The following ASCC3 variants were observed in gnomAD, a reference collection of about 807,000 sequenced individuals.
ASCC3 encodes the protein activating signal cointegrator 1 complex subunit 3, also known as ASC-1 complex subunit P200.
Under a neutral mutation model 256.3 loss-of-function variants are expected in ASCC3, and 158 were observed. The observed-to-expected ratio is 0.62, with a 90% CI of 0.54 to 0.70. ASCC3 has a LOEUF of 0.70. Among genes scored for constraint, ASCC3 ranks in the 30% least tolerant of loss-of-function variants. The pLI is 0.00. For synonymous variants in ASCC3, 948 were observed against 883.4 expected (o/e 1.07, Z -1.30); for missense variants, 2,259 against 2,626.0 (o/e 0.86, Z 3.05).
intron 14 of ASCC3, among the ~76,000 whole-genome samples, chr6:100,673,484 A>C (rs1003629043): frequency 2.0e-5 from 3 of 152,176 alleles, no homozygotes; most frequent in Non-Finnish European, 2.9e-5. Flanking sequence ...ATTTATTGTA[A>C]GAAATTTATT....
At chr6:100,611,374 A>G (rs1773388437) in intron 30 of ASCC3, among the ~76,000 whole-genome samples, 1 of 152,106 alleles carries the variant, frequency 6.6e-6, no homozygotes, top group Admixed American at 6.6e-5. Flanking sequence ...CAAATTTGAA[A>G]ATCTAATTTT....
In ASCC3 at chr6:100,510,033, T is replaced by C; in HGVS notation, c.6360A>G (p.Gly2120=). 2 of 1,614,134 alleles carry C rather than the reference T, an allele frequency of 1.2e-6. No homozygotes were observed. Among genetic ancestry groups the C allele is most frequent in the Non-Finnish European group, 1.7e-6 (2 of 1,180,002 alleles). ...CAATAAGTTCTCTCTTATCCACTTC[T>C]CCTAATATCAAAAACCATCCTTCGT... ...SKDEGWFLIL[G]EVDKRELIAL... Residue 2120 remains glycine (G), a synonymous_variant, in exon 41 of 42, where the codon GGA becomes GGG. Transcript: ENST00000369162.
intron 13 of ASCC3, among the ~76,000 whole-genome samples, chr6:100,705,495 G>T (rs958587936): frequency 6.6e-6 from 1 of 151,902 alleles, no homozygotes; most frequent in African/African-American, 2.4e-5. Context: ...TTTTCGAATG[G>T]ACATGTATTT....
intron 10 of ASCC3, among the ~76,000 whole-genome samples, chr6:100,750,444 A>C (rs76727379): frequency 0.017 from 2,609 of 152,088 alleles, 33 homozygotes; most frequent in Non-Finnish European, 0.027. Context: ...AGAGGAACTG[A>C]TTGTTTAAAG....
In ASCC3 at chr6:100,539,798, A is replaced by T. The variant is rs187854920; in HGVS notation, c.5775+365T>A. Among the ~76,000 whole-genome samples, 1,487 of 152,260 alleles carry T rather than the reference A, an allele frequency of 9.8e-3. 14 individuals are homozygous for T. Among genetic ancestry groups the T allele is most frequent in the Non-Finnish European group, 0.014 (973 of 68,020 alleles). Reference sequence around the variant, plus strand: ...TTTTTTTAAAAAATAGCAGTTATTGAAAAATGGCAGTTATTACCTATTAAT... The same window carrying T: ...TTTTTTTAAAAAATAGCAGTTATTGTAAAATGGCAGTTATTACCTATTAAT... On this transcript the variant is annotated intron_variant, in intron 37 of 41. Transcript: ENST00000369162.
At chr6:100,523,502 C>T (rs961432255) in intron 37 of ASCC3, among the ~76,000 whole-genome samples, 1 of 152,082 alleles carries the variant, frequency 6.6e-6, no homozygotes, top group Non-Finnish European at 1.5e-5. Context: ...GGCAAGAACT[C>T]ATAGAAAAGA....
rs184573982 is a variant in ASCC3, at chr6:100,806,469, T to A, written c.802-589A>T. ...GTAGTTACCAAAGATTAAGTTGATG[T>A]CAGAGTTAGAGAACCAGTGTTAGGA... On this transcript the variant is annotated intron_variant, in intron 4 of 41. Coordinates refer to ENST00000369162, the MANE Select transcript of ASCC3 (RefSeq NM_006828.4). Among the ~76,000 whole-genome samples, 215 of 152,090 alleles carry A rather than the reference T, an allele frequency of 1.4e-3. 1 individual carries two copies. In the Middle Eastern group the frequency reaches 0.024, roughly 17 times the overall value.
At chr6:100,877,347 C>T (rs1008004777) in intron 1 of ASCC3, among the ~76,000 whole-genome samples, 1 of 152,030 alleles carries the variant, frequency 6.6e-6, no homozygotes, top group Non-Finnish European at 1.5e-5. Flanking sequence ...GATTTCAGTA[C>T]TTAAAATAGA....
intron 30 of ASCC3, among the ~76,000 whole-genome samples, chr6:100,619,246 G>A (rs2114842058): frequency 6.6e-6 from 1 of 152,240 alleles, no homozygotes; most frequent in South Asian, 2.1e-4. Flanking sequence ...TGCTAGTTCG[G>A]AGGCTTATTA....
At chr6:100,823,336 C>CACA (rs1554238378) in intron 4 of ASCC3, among the ~76,000 whole-genome samples, 5 of 152,082 alleles carry the variant, frequency 3.3e-5, no homozygotes, top group Admixed American at 6.6e-5. Flanking sequence ...AAATTAAAAA[C>CACA]ACAACAACAA....
chr6:100,838,426 T>C (rs1393273866), intron 4 of ASCC3, among the ~76,000 whole-genome samples: 1 of 152,040 alleles, frequency 6.6e-6, no homozygotes, highest in Non-Finnish European at 1.5e-5. Context: ...TCATACATTA[T>C]AAAATAAGGT....
chr6:100,628,158 G>A (rs1774343839), intron 27 of ASCC3, among the ~76,000 whole-genome samples, 171 bp from the exon 28 acceptor site: 1 of 151,770 alleles, frequency 6.6e-6, no homozygotes, highest in East Asian at 1.9e-4. Context: ...TACTCCCAGT[G>A]CATGATGTCA....
intron 13 of ASCC3, among the ~76,000 whole-genome samples, chr6:100,690,404 G>C (rs1409512184): frequency 1.3e-5 from 2 of 151,890 alleles, no homozygotes. Flanking sequence ...CAAGAATAAA[G>C]GAAGCATCCT....
Position 100,509,531 on chromosome 6 carries a change from T to C in ASCC3, c.6464A>G (p.Tyr2155Cys), listed in dbSNP as rs983214434. The stretch of plus-strand genomic sequence containing the variant: ...ACTCATGAAATATAATGTGTAGATA[T>C]ACCTAAAATATAAAAATAGAAGAAA... ...SFYTPEIPGR[Y>C]IYTLYFMSDC... Residue 2155 changes from tyrosine (Y) to cysteine (C), a missense_variant and splice_region_variant, in exon 42 of 42, where the codon TAT becomes TGT. Around this residue, in one of 2 missense-constraint regions of ASCC3, gnomAD observed 1,839 missense variants for 2,206.7 expected, o/e 0.83. Coordinates refer to ENST00000369162, the MANE Select transcript of ASCC3 (RefSeq NM_006828.4). 1 of 1,610,778 alleles carries C rather than the reference T, an allele frequency of 6.2e-7. No homozygotes were observed. The highest frequency in any genetic ancestry group is 8.5e-7 in the Non-Finnish European group (1 of 1,177,120).
Position 100,619,744 on chromosome 6 carries a change from A to T in ASCC3, c.4785+5448T>A, listed in dbSNP as rs1394794638. The stretch of plus-strand genomic sequence containing the variant: ...TATTTTAACTAATATATTTAAACTA[A>T]TTTTATTCCTCTTCCCTCTTTCTAT... On this transcript the variant is annotated intron_variant, in intron 30 of 41. Coordinates refer to ENST00000369162, the MANE Select transcript of ASCC3 (RefSeq NM_006828.4). Among the ~76,000 whole-genome samples, 4 of 152,238 alleles carry T rather than the reference A, an allele frequency of 2.6e-5. No homozygotes were observed. In the South Asian group the frequency reaches 8.3e-4, roughly 32 times the overall value.
intron 36 of ASCC3, among the ~76,000 whole-genome samples, chr6:100,542,430 C>A (rs941618052): frequency 6.6e-6 from 1 of 152,114 alleles, no homozygotes; most frequent in African/African-American, 2.4e-5. Context: ...CGCCTGTAAT[C>A]CCAGCACTTT....
intron 10 of ASCC3, among the ~76,000 whole-genome samples, chr6:100,738,881 T>G (rs914582139): frequency 2.0e-5 from 3 of 152,222 alleles, no homozygotes; most frequent in Non-Finnish European, 4.4e-5. Flanking sequence ...TCATGTCATG[T>G]GCAAACAAAG....
intron 3 of ASCC3, chr6:100,858,435 T>C (rs941435236): frequency 2.6e-6 from 1 of 387,964 alleles, no homozygotes; most frequent in Admixed American, 6.5e-5. Flanking sequence ...GCATTAAGTA[T>C]GTTTTCTCCA....
At chr6:100,629,902 TTTC>T (rs1774448787) in intron 26 of ASCC3, among the ~76,000 whole-genome samples, 1 of 152,082 alleles carries the variant, frequency 6.6e-6, no homozygotes, top group Non-Finnish European at 1.5e-5. Context: ...ATTTCTTTTC[TTTC>T]TTTTTTTTTT....
Sources: allele counts gnomAD v4.1 joint callset (sites outside exome capture counted in the v4.1 genomes callset), GRCh38; gene constraint gnomAD v4.1.1; regional missense constraint gnomAD v4.1.1; transcripts MANE v1.5; gene names NCBI Gene and HGNC (gene_info 2026-07-23, HGNC 2026-07-21).